CLSTN1: variants seen among roughly 807,000 people sequenced by gnomAD.
CLSTN1 encodes the protein calsyntenin 1, also known as calsyntenin-1.
In CLSTN1, 28 loss-of-function variants were observed where a neutral mutation model predicts 108.3. That is an observed-to-expected ratio of 0.26 (90% CI 0.19 to 0.35). CLSTN1 has a LOEUF of 0.35. CLSTN1 is among the 10% of genes least tolerant of loss of function. CLSTN1 has a pLI of 1.00. For synonymous variants in CLSTN1, 524 were observed against 534.9 expected, an observed-to-expected ratio of 0.98 and a Z score of 0.28; for missense variants, 1,157 against 1,302.6, an observed-to-expected ratio of 0.89 and a Z score of 1.72.
chr1:9,752,689 C>T (rs1651609054), intron 4 of CLSTN1, among the ~76,000 whole-genome samples: 1 of 151,986 alleles, frequency 6.6e-6, no homozygotes. Context: ...TGGTGAAACT[C>T]CGTCTCTACC....
chr1:9,788,920 A>C (rs983157323), intron 1 of CLSTN1, among the ~76,000 whole-genome samples: 7 of 150,628 alleles, frequency 4.6e-5, no homozygotes, highest in Non-Finnish European at 8.8e-5. Flanking sequence ...AGTACCTCAT[A>C]TGAGTGGGAT....
At chr1:9,756,928 G>A (rs1276006176) in intron 2 of CLSTN1, among the ~76,000 whole-genome samples, 1 of 151,722 alleles carries the variant, frequency 6.6e-6, no homozygotes, top group Non-Finnish European at 1.5e-5. Flanking sequence ...ACAGGCGCCC[G>A]CCACCACGCC....
At chr1:9,797,180 C>T (rs1654047246) in intron 1 of CLSTN1, among the ~76,000 whole-genome samples, 1 of 152,050 alleles carries the variant, frequency 6.6e-6, no homozygotes, top group South Asian at 2.1e-4. Flanking sequence ...GAAAGGCATC[C>T]AAAGAGAAAG....
In CLSTN1 at chr1:9,737,704, C is replaced by A. The variant is rs535470359; in HGVS notation, c.1520-150G>T. 1.0e-5 allele frequency: 7 copies of A among 678,746 alleles called. No individual in the cohort carries two copies. In the Admixed American group the frequency reaches 1.7e-4, roughly 17 times the overall value. 42.0% of individuals were successfully genotyped at this position (678,746 alleles called of 1,614,324 possible). A position where few individuals can be genotyped will look rare whatever the true frequency, so the allele number is the denominator to read the frequency against. On this transcript the variant is annotated intron_variant, in intron 10 of 18. Coordinates refer to ENST00000377298, the MANE Select transcript of CLSTN1 (RefSeq NM_001009566.3). ...CCGCTCTGGGATGTACCCATCTGGACGCAAGCTTGTATTTAATCACCTTTT... is the reference window on the plus strand; with the variant it reads ...CCGCTCTGGGATGTACCCATCTGGAAGCAAGCTTGTATTTAATCACCTTTT...
intron 12 of CLSTN1, 44 bp downstream of exon 12, chr1:9,735,841 C>A (rs1390859217): frequency 1.2e-6 from 2 of 1,609,584 alleles, no homozygotes; most frequent in South Asian, 2.2e-5. Flanking sequence ...GGGCTGTAGT[C>A]TAAGGGGCCC....
intron 11 of CLSTN1, 23 bp from the exon 12 acceptor site, chr1:9,736,065 CG>C: frequency 3.7e-6 from 6 of 1,613,850 alleles, no homozygotes; most frequent in Non-Finnish European, 5.1e-6. Context: ...GGAGAAAAGG[CG>C]AAGTCAGGCG....
intron 2 of CLSTN1, among the ~76,000 whole-genome samples, chr1:9,758,467 C>G (rs1651922066): frequency 6.6e-6 from 1 of 151,810 alleles, no homozygotes; most frequent in Admixed American, 6.6e-5. Flanking sequence ...GCGCCTGCCA[C>G]CAAGCCTCGC....
At chr1:9,813,638 T>TA (rs1236709252) in intron 1 of CLSTN1, among the ~76,000 whole-genome samples, 4 of 152,196 alleles carry the variant, frequency 2.6e-5, no homozygotes, top group Non-Finnish European at 5.9e-5. Flanking sequence ...ACATCTGAAA[T>TA]ATGCAAAACT....
At chr1:9,737,243 C>A (rs1650741355) in intron 11 of CLSTN1, among the ~76,000 whole-genome samples, 1 of 109,150 alleles carries the variant, frequency 9.2e-6, no homozygotes. Flanking sequence ...GCAGTGGGGT[C>A]AGGGTCAAAC....
At chr1:9,754,210 G>T (rs901035900) in intron 4 of CLSTN1, among the ~76,000 whole-genome samples, 1 of 151,984 alleles carries the variant, frequency 6.6e-6, no homozygotes, top group African/African-American at 2.4e-5. Flanking sequence ...TTTTAATGTA[G>T]GGCCTTTACT....
intron 2 of CLSTN1, among the ~76,000 whole-genome samples, chr1:9,768,169 T>C (rs973911025): frequency 2.6e-5 from 4 of 152,090 alleles, no homozygotes; most frequent in African/African-American, 4.8e-5. Flanking sequence ...CTCAGTCTCA[T>C]AGGGTCCTGT....
At position 9,773,480 on chromosome 1, in the gene CLSTN1, TA is replaced by T. The variant is rs945973881; in HGVS notation, c.92-87del. On this transcript the variant is annotated intron_variant, in intron 1 of 18. Transcript: ENST00000377298. ...ACTTTTGAAGACACACACCTGCTATTAAAATAATAAAACTCTCATTAGGCTT... is the reference window on the plus strand; with the variant it reads ...ACTTTTGAAGACACACACCTGCTATTAAATAATAAAACTCTCATTAGGCTT... 3 of 1,359,536 alleles carry T rather than the reference TA, an allele frequency of 2.2e-6. No individual in the cohort carries two copies. In the Admixed American group the frequency reaches 7.6e-5, roughly 34 times the overall value. 84.2% of individuals were successfully genotyped at this position (1,359,536 alleles called of 1,614,324 possible). A position where few individuals can be genotyped will look rare whatever the true frequency, so the allele number is the denominator to read the frequency against.
intron 8 of CLSTN1, 127 bp from the exon 9 acceptor site, chr1:9,744,132 G>T: frequency 7.5e-7 from 1 of 1,324,774 alleles, no homozygotes; most frequent in Non-Finnish European, 1.0e-6. Flanking sequence ...CTAAGCCAAG[G>T]CAGGGCTTAG....
Position 9,744,612 on chromosome 1 carries a change from T to C in CLSTN1, c.1017A>G (p.Pro339=), listed in dbSNP as rs1651160099. ...TCCAGTTGAGGGATCCACTCGGGGA[T>C]GGCAGCAGCTCGGCAGTGCCCGCGG... The part of the protein sequence containing the change: ...GAAAGTAELL[P]SPSGSLNWTM... Residue 339 remains proline (P), a synonymous_variant, in exon 8 of 19, where the codon CCA becomes CCG. Transcript: ENST00000377298. 2 of 1,612,862 alleles carry C rather than the reference T, an allele frequency of 1.2e-6. No individual in the cohort carries two copies. The highest frequency in any genetic ancestry group is 3.3e-5 in the Admixed American group (2 of 59,974).
At chr1:9,745,183 C>T (rs1314149566) in intron 7 of CLSTN1, among the ~76,000 whole-genome samples, 8 of 147,528 alleles carry the variant, frequency 5.4e-5, no homozygotes, top group African/African-American at 1.8e-4. Context: ...GAGCCGAGAT[C>T]GCACCCCTGC....
intron 1 of CLSTN1, among the ~76,000 whole-genome samples, chr1:9,821,956 A>G (rs1655205798): frequency 6.6e-6 from 1 of 152,250 alleles, no homozygotes; most frequent in Non-Finnish European, 1.5e-5. Context: ...TAATGAAGAT[A>G]TTCAAAGTTG....
At chr1:9,817,992 T>TGTTA (rs1020964275) in intron 1 of CLSTN1, among the ~76,000 whole-genome samples, 1 of 139,560 alleles carries the variant, frequency 7.2e-6, no homozygotes, top group African/African-American at 2.7e-5. Context: ...TTTGAGGGTC[T>TGTTA]GTTAGTTTGG....
intron 1 of CLSTN1, among the ~76,000 whole-genome samples, chr1:9,789,438 T>C (rs1023034310): frequency 1.3e-5 from 2 of 151,442 alleles, no homozygotes; most frequent in Non-Finnish European, 2.9e-5. Flanking sequence ...TTGTGTAAAA[T>C]TGATAAGATA....
chr1:9,808,470 A>C (rs1654597687), intron 1 of CLSTN1, among the ~76,000 whole-genome samples: 1 of 152,178 alleles, frequency 6.6e-6, no homozygotes, highest in Admixed American at 6.6e-5. Context: ...GGGAAGATAC[A>C]ATTTGGGTTC....
Sources: allele counts gnomAD v4.1 joint callset (sites outside exome capture counted in the v4.1 genomes callset), GRCh38; gene constraint gnomAD v4.1.1; transcripts MANE v1.5; gene names NCBI Gene and HGNC (gene_info 2026-07-23, HGNC 2026-07-21).